PIK3R4: variants seen among roughly 807,000 people sequenced by gnomAD.
PIK3R4 encodes the protein phosphoinositide 3-kinase regulatory subunit 4.
A neutral mutation model predicts 136.5 loss-of-function variants in PIK3R4; 46 were observed. The observed-to-expected ratio is 0.34, with a 90% CI of 0.27 to 0.43. The LOEUF (loss-of-function observed/expected upper bound fraction) is 0.43, where lower values mean the gene tolerates loss of function less well. Among genes scored for constraint, PIK3R4 ranks in the 20% least tolerant of loss-of-function variants. The pLI is 1.00. For missense variants in PIK3R4, 1,331 were observed against 1,649.5 expected (o/e 0.81, Z 3.35); for synonymous variants, 557 against 566.7 (o/e 0.98, Z 0.24).
intron 6 of PIK3R4, among the ~76,000 whole-genome samples, chr3:130,724,656 T>G (rs575103363): frequency 6.6e-6 from 1 of 152,102 alleles, no homozygotes; most frequent in Non-Finnish European, 1.5e-5. Context: ...GCACTAATCT[T>G]GTACTGCAAA....
In PIK3R4 at chr3:130,744,966, G is replaced by C. The variant is rs1183540245; in HGVS notation, c.253C>G (p.Leu85Val). 4 of 1,614,024 alleles carry C rather than the reference G, an allele frequency of 2.5e-6. No individual in the cohort carries two copies. Among genetic ancestry groups the C allele is most frequent in the African/African-American group, 1.3e-5 (1 of 74,914 alleles). Residue 85 changes from leucine to valine, a missense_variant, in exon 2 of 20, where the codon CTA (leucine) becomes GTA (valine). Around this residue, in one of 2 missense-constraint regions of PIK3R4, gnomAD observed 151 missense variants for 242.5 expected, o/e 0.62. Coordinates refer to ENST00000356763, the MANE Select transcript of PIK3R4 (RefSeq NM_014602.3). ...TTTTCTGATGCTTTCTGGAAAGGTA[G>C]ACAATTCTGTGCAGAATTAAGCCTG... ...KIRLNSAQNC[L>V]PFQKASEKAS...
chr3:130,728,767 C>T, intron 5 of PIK3R4, 83 bp from the exon 6 acceptor site: 2 of 916,662 alleles, frequency 2.2e-6, no homozygotes, highest in Non-Finnish European at 3.2e-6. Context: ...ACAGATAGTC[C>T]CAGTCTTCTT....
At chr3:130,722,847 G>A (rs1386322520) in intron 7 of PIK3R4, among the ~76,000 whole-genome samples, 1 of 149,144 alleles carries the variant, frequency 6.7e-6, no homozygotes, top group Non-Finnish European at 1.5e-5. Flanking sequence ...ATGAGGTCAG[G>A]AGTTCAAGAC....
chr3:130,713,725 T>G (rs552461169), intron 9 of PIK3R4, among the ~76,000 whole-genome samples: 11 of 151,988 alleles, frequency 7.2e-5, no homozygotes, highest in African/African-American at 1.9e-4. Context: ...CAGGTTGGAG[T>G]GCAATGGCGC....
intron 9 of PIK3R4, among the ~76,000 whole-genome samples, chr3:130,716,156 A>G (rs939506952): frequency 4.6e-5 from 7 of 152,238 alleles, no homozygotes; most frequent in Non-Finnish European, 8.8e-5. Context: ...AGTAATTACA[A>G]AAGAAACTTA....
chr3:130,683,021 A>T (rs189246941), intron 16 of PIK3R4, among the ~76,000 whole-genome samples: 1 of 152,276 alleles, frequency 6.6e-6, no homozygotes, highest in Admixed American at 6.5e-5. Flanking sequence ...TGATGGAGGT[A>T]GTGAAGAGTG....
intron 3 of PIK3R4, among the ~76,000 whole-genome samples, chr3:130,735,568 A>G (rs962315985): frequency 6.6e-6 from 1 of 152,178 alleles, no homozygotes; most frequent in Non-Finnish European, 1.5e-5. Context: ...AGCCAGGACA[A>G]CCTCTCCAAC....
rs547646605 is a variant in PIK3R4, at chr3:130,742,321, A to G, written c.733+2165T>C. Among the ~76,000 whole-genome samples, 4 of 152,362 alleles carry G rather than the reference A, an allele frequency of 2.6e-5. No individual in the cohort carries two copies. In the East Asian group the frequency reaches 7.7e-4, roughly 29 times the overall value. Reference sequence around the variant, plus strand: ...GAATTTTGTTGAAGTTTACAAAACTATAATGCACAAAAAAAGGATAAAAAT... The same window carrying G: ...GAATTTTGTTGAAGTTTACAAAACTGTAATGCACAAAAAAAGGATAAAAAT... On this transcript the variant is annotated intron_variant, in intron 2 of 19. Coordinates refer to ENST00000356763, the MANE Select transcript of PIK3R4 (RefSeq NM_014602.3).
chr3:130,692,328 A>C (rs1308029963), intron 13 of PIK3R4, among the ~76,000 whole-genome samples: 1 of 152,204 alleles, frequency 6.6e-6, no homozygotes, highest in East Asian at 1.9e-4. Flanking sequence ...GAAATCAAAA[A>C]ATAAGCTGTC....
chr3:130,702,998 TA>T (rs993434592), intron 13 of PIK3R4, among the ~76,000 whole-genome samples: 6 of 152,202 alleles, frequency 3.9e-5, no homozygotes, highest in African/African-American at 1.4e-4. Context: ...CTCATACTGC[TA>T]CCAAGCGACC....
chr3:130,745,306 A>G, intron 1 of PIK3R4, 42 bp from the exon 2 acceptor site: 3 of 1,350,344 alleles, frequency 2.2e-6, no homozygotes, highest in Non-Finnish European at 3.0e-6. Flanking sequence ...GACAAGAAAC[A>G]AAGAAGCTGT....
At chr3:130,729,259 A>C (rs1372931091) in intron 5 of PIK3R4, among the ~76,000 whole-genome samples, 1 of 152,152 alleles carries the variant, frequency 6.6e-6, no homozygotes, top group Non-Finnish European at 1.5e-5. Flanking sequence ...TTTTACTAAA[A>C]TGTAAGCTCA....
intron 13 of PIK3R4, among the ~76,000 whole-genome samples, chr3:130,697,792 T>C (rs962815303): frequency 1.3e-5 from 2 of 152,238 alleles, no homozygotes; most frequent in Admixed American, 6.5e-5. Flanking sequence ...ATTTGTACTT[T>C]TATATTTACT....
At position 130,705,906 on chromosome 3, in the gene PIK3R4, TAATTAC is replaced by T. The variant is rs563508691; in HGVS notation, c.2722-141_2722-136del. Reference sequence around the variant, plus strand: ...TAATGTACCAATTTTAAAATCGATATAATTACAATTACATTTTTTAGTGAAAACCCA... The same window carrying T: ...TAATGTACCAATTTTAAAATCGATATAATTACATTTTTTAGTGAAAACCCA... On this transcript the variant is annotated intron_variant, in intron 11 of 19. Coordinates refer to ENST00000356763, the MANE Select transcript of PIK3R4 (RefSeq NM_014602.3). 295 of 524,744 alleles carry T rather than the reference TAATTAC, an allele frequency of 5.6e-4. 1 individual carries two copies. The highest frequency in any genetic ancestry group is 2.1e-3 in the African/African-American group (109 of 51,444). 32.5% of individuals were successfully genotyped at this position (524,744 alleles called of 1,614,324 possible). A position where few individuals can be genotyped will look rare whatever the true frequency, so the allele number is the denominator to read the frequency against.
At chr3:130,693,613 T>C (rs1379147788) in intron 13 of PIK3R4, among the ~76,000 whole-genome samples, 1 of 152,228 alleles carries the variant, frequency 6.6e-6, no homozygotes, top group East Asian at 1.9e-4. Context: ...CATTTGCTTT[T>C]TAATTGGGTC....
chr3:130,724,360 T>C (rs2066719969), intron 6 of PIK3R4, among the ~76,000 whole-genome samples: 1 of 152,136 alleles, frequency 6.6e-6, no homozygotes, highest in Non-Finnish European at 1.5e-5. Flanking sequence ...CCACTGGCCT[T>C]GCTATAAACA....
intron 15 of PIK3R4, among the ~76,000 whole-genome samples, chr3:130,685,547 T>C (rs10934953): frequency 0.21 from 31,353 of 152,156 alleles, 3,507 homozygotes; most frequent in South Asian, 0.36. Context: ...AACTCAGCTA[T>C]CCATCAACTG....
At chr3:130,680,029 C>T (rs146219749) in intron 19 of PIK3R4, among the ~76,000 whole-genome samples, 3,282 of 133,114 alleles carry the variant, frequency 0.025, 116 homozygotes, top group East Asian at 0.11. Flanking sequence ...GAGCAGAGAT[C>T]GTGCCACTGC....
Position 130,703,850 on chromosome 3 carries a change from C to T in PIK3R4, c.2971G>A (p.Glu991Lys). ...ATTCGATTCACAGCAGATTTATGCT[C>T]ATGAAGATGGGCAACTAACAGCCCT... Reference protein sequence around the residue: ...PKGLLVAHLHEHKSAVNRIRV... With the variant: ...PKGLLVAHLHKHKSAVNRIRV... Residue 991 changes from glutamate (E) to lysine (K), a missense_variant, in exon 13 of 20, where the codon GAG becomes AAG. Glu to Lys is a moderately conservative substitution (Grantham distance 56, BLOSUM62 1). Around this residue, in one of 2 missense-constraint regions of PIK3R4, gnomAD observed 1,180 missense variants for 1,407.0 expected, o/e 0.84. Transcript: ENST00000356763. 6.2e-7 allele frequency: 1 copy of T among 1,612,650 alleles called. No individual in the cohort carries two copies.
Sources: gnomAD v4.1 joint callset for allele counts (sites outside exome capture counted in the v4.1 genomes callset) on GRCh38, gnomAD v4.1.1 for gene constraint, gnomAD v4.1.1 regional missense constraint, MANE v1.5 for transcripts, NCBI Gene and HGNC (gene_info 2026-07-23, HGNC 2026-07-21) for gene names.